Variants in RANBP17 observed in about 807,000 individuals in gnomAD.
RANBP17 encodes RAN binding protein 17.
Under a neutral mutation model 141.2 loss-of-function variants are expected in RANBP17, and 158 were observed. The ratio of observed to expected loss-of-function variants is 1.12; its 90% CI spans 0.98 to 1.28. The LOEUF is 1.28. Among genes scored for constraint, RANBP17 ranks in the 50% most tolerant of loss-of-function variants. RANBP17 has a pLI of 0.00. For missense variants in RANBP17, 1,438 were observed against 1,290.7 expected, an observed-to-expected ratio of 1.11 and a Z score of -1.75; for synonymous variants, 430 against 450.0, an observed-to-expected ratio of 0.96 and a Z score of 0.56.
chr5:170,924,455 CTCT>C lies in RANBP17; in HGVS notation c.1378_1380del (p.Leu460del). The C allele has an allele frequency of 6.2e-7, 1 of 1,613,452 alleles. No homozygotes were observed. The highest frequency in any genetic ancestry group is 8.5e-7 in the Non-Finnish European group (1 of 1,179,530). On this transcript the variant is annotated inframe_deletion, in exon 12 of 28. Coordinates refer to ENST00000523189, the MANE Select transcript of RANBP17 (RefSeq NM_022897.5). Reference sequence around the variant, plus strand: ...AGATGTGAATATGAAAAGACATGTGCTCTTCTTGTGCAGTTATTCGACCAAAAT... The same window carrying C: ...AGATGTGAATATGAAAAGACATGTGCTCTTGTGCAGTTATTCGACCAAAAT...
Position 171,213,661 on chromosome 5 carries a change from T to G in RANBP17, c.2262T>G (p.Asn754Lys), listed in dbSNP as rs1763044866. ...CAACGTACCTTCCCCTTCTTCAGAA[T>G]GCTGTTGAACGGTGGTATGGAGAGC... ...MYPTYLPLLQNAVERWYGEPT... is the reference protein window; with the variant it reads ...MYPTYLPLLQKAVERWYGEPT... The change falls in exon 21 of 28, where the codon AAT (asparagine) becomes AAG (lysine). Residue 754 changes from asparagine to lysine, a missense_variant. Physicochemically the swap from Asn to Lys is moderately conservative, Grantham distance 94. Coordinates refer to ENST00000523189, the MANE Select transcript of RANBP17 (RefSeq NM_022897.5). 1 of 1,613,850 alleles carries G rather than the reference T, an allele frequency of 6.2e-7. No homozygotes were observed. Among genetic ancestry groups the G allele is most frequent in the Non-Finnish European group, 8.5e-7 (1 of 1,179,760 alleles).
chr5:171,063,910 C>G (rs1361345446), intron 14 of RANBP17, among the ~76,000 whole-genome samples: 4 of 152,242 alleles, frequency 2.6e-5, no homozygotes, highest in African/African-American at 9.6e-5. Context: ...GCAGTTTGAT[C>G]TCAGACTGCT....
chr5:171,266,248 T>G lies in RANBP17; in HGVS notation c.2943+401T>G, dbSNP rs188773110. On this transcript the variant is annotated intron_variant, in intron 25 of 27. Transcript: ENST00000523189. ...AAACTACAATTTGCTGGGCTCCTAG[T>G]GTATGCCAGGCAGCTTGCTAGGAAT... 2.6e-3 allele frequency among the ~76,000 whole-genome samples: 402 copies of G among 152,280 alleles called. 2 individuals carry two copies. Among genetic ancestry groups the G allele is most frequent in the African/African-American group, 9.1e-3 (376 of 41,546 alleles).
chr5:170,907,945 T>C (rs1483647458), intron 5 of RANBP17, among the ~76,000 whole-genome samples: 2 of 151,858 alleles, frequency 1.3e-5, no homozygotes, highest in Non-Finnish European at 2.9e-5. Context: ...CTCATCATCT[T>C]AGAAATGCAA....
chr5:171,052,898 G>T (rs1161886655), intron 14 of RANBP17, among the ~76,000 whole-genome samples: 1 of 152,090 alleles, frequency 6.6e-6, no homozygotes, highest in Non-Finnish European at 1.5e-5. Flanking sequence ...TGTTGCCCAG[G>T]CTGGGGTACA....
At chr5:171,291,342 T>C (rs540339409) in intron 25 of RANBP17, among the ~76,000 whole-genome samples, 1 of 152,302 alleles carries the variant, frequency 6.6e-6, no homozygotes, top group South Asian at 2.1e-4. Context: ...TGGGCACATT[T>C]GTTTAATTTT....
chr5:170,941,145 T>C (rs554692537), intron 12 of RANBP17, among the ~76,000 whole-genome samples: 1 of 152,056 alleles, frequency 6.6e-6, no homozygotes, highest in Admixed American at 6.6e-5. Context: ...AAAAAGCTTA[T>C]TTAGAAAAGA....
chr5:171,253,106 A>G (rs1226021900), intron 24 of RANBP17: 1 of 631,128 alleles, frequency 1.6e-6, no homozygotes, highest in Non-Finnish European at 2.8e-6. Context: ...GGGCAGTAGC[A>G]CACTTTGCAC....
intron 24 of RANBP17, among the ~76,000 whole-genome samples, chr5:171,256,250 C>T (rs1765883503): frequency 1.3e-5 from 2 of 152,168 alleles, no homozygotes; most frequent in African/African-American, 2.4e-5. Context: ...GTCACTTAAC[C>T]TCTCTGTGCT....
chr5:170,924,339 C>G lies in RANBP17; in HGVS notation c.1275-18C>G. On this transcript the variant is annotated intron_variant, in intron 11 of 27. Transcript: ENST00000523189. ...TTCACATTCTAATGTTGTCTGCAAA[C>G]TTATTCTGTGTTTGCAGAGATCACT... The G allele has an allele frequency of 2.0e-6, 3 of 1,524,310 alleles. No individual in the cohort carries two copies. The highest frequency in any genetic ancestry group is 2.7e-6 in the Non-Finnish European group (3 of 1,115,554). The allele number at this position is 1,524,310 out of a possible 1,614,324, so 94.4% of individuals were successfully genotyped here.
chr5:171,095,447 T>G (rs1786618548), intron 14 of RANBP17, among the ~76,000 whole-genome samples: 1 of 152,156 alleles, frequency 6.6e-6, no homozygotes, highest in African/African-American at 2.4e-5. Flanking sequence ...ATCTTGGAGT[T>G]GAACTTATGT....
At chr5:170,874,423 G>C (rs905942397) in intron 1 of RANBP17, among the ~76,000 whole-genome samples, 1 of 152,174 alleles carries the variant, frequency 6.6e-6, no homozygotes, top group Non-Finnish European at 1.5e-5. Context: ...AATTTTGACA[G>C]TGGGGTGTTA....
chr5:171,155,440 G>A, intron 14 of RANBP17, among the ~76,000 whole-genome samples: 1 of 151,904 alleles, frequency 6.6e-6, no homozygotes, highest in East Asian at 1.9e-4. Context: ...CAGCAAATGA[G>A]CATTTACTAT....
intron 14 of RANBP17, among the ~76,000 whole-genome samples, chr5:170,987,397 CCTT>C (rs1778212697): frequency 6.6e-6 from 1 of 151,190 alleles, no homozygotes. Flanking sequence ...GTTAGGTTTT[CCTT>C]CTTGGTGAGT....
At chr5:170,959,029 A>G (rs974357678) in intron 13 of RANBP17, among the ~76,000 whole-genome samples, 2 of 152,214 alleles carry the variant, frequency 1.3e-5, no homozygotes, top group African/African-American at 2.4e-5. Flanking sequence ...GCAGTAGGAT[A>G]TAAATAACTC....
intron 27 of RANBP17, among the ~76,000 whole-genome samples, chr5:171,296,614 C>G (rs1768839176): frequency 6.6e-6 from 1 of 152,132 alleles, no homozygotes; most frequent in South Asian, 2.1e-4. Context: ...TATTATGTAT[C>G]AATTAAAAAA....
chr5:171,012,942 A>G (rs1053733156), intron 14 of RANBP17, among the ~76,000 whole-genome samples: 2 of 152,186 alleles, frequency 1.3e-5, no homozygotes, highest in Non-Finnish European at 2.9e-5. Flanking sequence ...GATAGTCTGT[A>G]TAGCTTCATT....
chr5:170,920,944 T>A (rs1183329984), intron 11 of RANBP17, among the ~76,000 whole-genome samples: 1 of 152,210 alleles, frequency 6.6e-6, no homozygotes, highest in Non-Finnish European at 1.5e-5. Flanking sequence ...TGGGGTTGTT[T>A]TTTTCTTGTA....
chr5:171,252,149 AG>A (rs1293160556), intron 24 of RANBP17: 31 of 1,592,022 alleles, frequency 1.9e-5, no homozygotes, highest in Non-Finnish European at 2.6e-5. Context: ...TACAGAAAGA[AG>A]ATGAGCTTTT....
Sources: gnomAD v4.1 joint callset for allele counts (sites outside exome capture counted in the v4.1 genomes callset) on GRCh38, gnomAD v4.1.1 for gene constraint, MANE v1.5 for transcripts, NCBI Gene and HGNC (gene_info 2026-07-23, HGNC 2026-07-21) for gene names.